Variants in DISC1 observed in about 807,000 individuals in gnomAD.
DISC1 encodes the protein DISC1 scaffold protein, also known as disrupted in schizophrenia 1 protein.
A neutral mutation model predicts 84.5 loss-of-function variants in DISC1; 57 were observed. That is an observed-to-expected ratio of 0.67 (90% confidence interval 0.55 to 0.84). DISC1 has a LOEUF of 0.84. Ranked by LOEUF, DISC1 falls within the 40% of genes least tolerant of loss-of-function variation. The pLI is 0.00. For synonymous variants in DISC1, 411 were observed against 415.2 expected, an observed-to-expected ratio of 0.99 and a Z score of 0.12; for missense variants, 1,000 against 1,057.8, an observed-to-expected ratio of 0.95 and a Z score of 0.76.
chr1:231,799,971 T>A, intron 7 of DISC1, 137 bp from the exon 8 acceptor site: 1 of 505,144 alleles, frequency 2.0e-6, no homozygotes, highest in East Asian at 3.7e-5. Context: ...GCTTGCTTTT[T>A]GAACATTGTC....
chr1:231,990,758 G>T (rs1262951884), intron 10 of DISC1, among the ~76,000 whole-genome samples: 2 of 152,200 alleles, frequency 1.3e-5, no homozygotes, highest in South Asian at 4.1e-4. Flanking sequence ...GAGGCTGCAG[G>T]CCACTAGCTC....
chr1:231,948,585 C>T (rs61399418), intron 9 of DISC1, among the ~76,000 whole-genome samples: 1 of 151,788 alleles, frequency 6.6e-6, no homozygotes, highest in East Asian at 1.9e-4. Context: ...GCACATGTAC[C>T]CTAGAACTTA....
In DISC1 at chr1:231,632,335, C is replaced by T. The variant is rs115558489; in HGVS notation, c.67+5401C>T. On this transcript the variant is annotated intron_variant, in intron 1 of 12. Coordinates refer to ENST00000439617, the MANE Select transcript of DISC1 (RefSeq NM_018662.3). ...CAACTTCAGGTTAATTTTCCAGCCACGTGGCCTTGTGCTTGCTCATCATAA... is the reference window on the plus strand; with the variant it reads ...CAACTTCAGGTTAATTTTCCAGCCATGTGGCCTTGTGCTTGCTCATCATAA... Among the ~76,000 whole-genome samples, 831 of 152,290 alleles carry T rather than the reference C, an allele frequency of 5.5e-3. 5 individuals are homozygous for T. Among genetic ancestry groups the T allele is most frequent in the Non-Finnish European group, 7.5e-3 (511 of 68,030 alleles).
At chr1:231,733,006 C>T (rs553800817) in intron 3 of DISC1, among the ~76,000 whole-genome samples, 3 of 98,708 alleles carry the variant, frequency 3.0e-5, no homozygotes, top group African/African-American at 6.9e-5. Flanking sequence ...GTGGTTGTAG[C>T]AGTGTTGTTG....
At chr1:231,997,588 G>C (rs984139187) in intron 10 of DISC1, among the ~76,000 whole-genome samples, 2 of 152,022 alleles carry the variant, frequency 1.3e-5, no homozygotes, top group South Asian at 2.1e-4. Flanking sequence ...AGTGAGGCTC[G>C]GGGTTTTGAG....
chr1:231,968,379 G>A (rs559497683), intron 10 of DISC1, among the ~76,000 whole-genome samples: 2 of 151,968 alleles, frequency 1.3e-5, no homozygotes, highest in Non-Finnish European at 2.9e-5. Context: ...CATGGGAGGC[G>A]GAGGCAACTC....
chr1:231,736,695 G>T (rs1335948904), intron 3 of DISC1, among the ~76,000 whole-genome samples: 1 of 152,200 alleles, frequency 6.6e-6, no homozygotes, highest in African/African-American at 2.4e-5. Context: ...CACATCTTGT[G>T]TATGGTAATG....
rs76756956 is a variant in DISC1, at chr1:231,810,334, A to C, written c.1793-7995A>C. Among the ~76,000 whole-genome samples the C allele has an allele frequency of 7.1e-3, 1,085 of 152,336 alleles. 11 individuals carry two copies. The highest frequency in any genetic ancestry group is 0.025 in the African/African-American group (1,021 of 41,572). ...GACATATGGCAGAAAAACAAAATTC[A>C]GGGTACAGACAGTGGCTGGGAGCAT... On this transcript the variant is annotated intron_variant, in intron 8 of 12. Coordinates refer to ENST00000439617, the MANE Select transcript of DISC1 (RefSeq NM_018662.3).
intron 11 of DISC1, among the ~76,000 whole-genome samples, chr1:232,022,923 ACAGCCCCACGAAAGAATGC>A (rs975765583): frequency 2.0e-5 from 3 of 152,136 alleles, no homozygotes; most frequent in African/African-American, 7.2e-5. Context: ...CCTTGGAAAA[ACAGCCCCACGAAAGAATGC>A]CAGACAGATC....
At chr1:231,800,545 G>C (rs992233937) in intron 8 of DISC1, among the ~76,000 whole-genome samples, 1 of 152,096 alleles carries the variant, frequency 6.6e-6, no homozygotes, top group African/African-American at 2.4e-5. Flanking sequence ...TTTCTATAGA[G>C]GGAAGGATGG....
At position 231,707,660 on chromosome 1, in the gene DISC1, G is replaced by T. The variant is rs145598482; in HGVS notation, c.1117+5636G>T. On this transcript the variant is annotated intron_variant, in intron 3 of 12. Transcript: ENST00000439617. ...GTAAATTCTCCTGCAAACAAGAAAA[G>T]AAGCTAAGATAGTGCAACCAAGTAA... is the stretch of plus-strand genomic sequence containing the variant. Among the ~76,000 whole-genome samples the T allele has an allele frequency of 5.8e-4, 89 of 152,280 alleles. No homozygotes were observed. In the East Asian group the frequency reaches 0.017, roughly 28 times the overall value.
chr1:231,688,496 C>T (rs2064587879), intron 1 of DISC1, among the ~76,000 whole-genome samples: 1 of 152,212 alleles, frequency 6.6e-6, no homozygotes, highest in Admixed American at 6.5e-5. Flanking sequence ...TGACGGCCCT[C>T]ACTTCTTTTT....
intron 3 of DISC1, among the ~76,000 whole-genome samples, chr1:231,725,179 C>G (rs2070449481): frequency 6.6e-6 from 1 of 152,120 alleles, no homozygotes; most frequent in Admixed American, 6.6e-5. Context: ...TGCTCAAGTC[C>G]CTCTTGATGA....
intron 9 of DISC1, chr1:231,854,654 T>C (rs1262198191): frequency 1.3e-5 from 2 of 156,698 alleles, no homozygotes; most frequent in African/African-American, 4.8e-5. Context: ...TCCTATGTGG[T>C]GTGTAGTGTA....
At chr1:232,006,175 T>C (rs1461616454) in intron 10 of DISC1, among the ~76,000 whole-genome samples, 1 of 152,166 alleles carries the variant, frequency 6.6e-6, no homozygotes, top group African/African-American at 2.4e-5. Flanking sequence ...TGCTATATAT[T>C]TGAGTTCATG....
At chr1:231,652,181 G>C (rs774492140) in intron 1 of DISC1, among the ~76,000 whole-genome samples, 1 of 152,176 alleles carries the variant, frequency 6.6e-6, no homozygotes, top group Non-Finnish European at 1.5e-5. Context: ...ATCATGCTGG[G>C]AGCTGCAGAC....
At position 231,688,488 on chromosome 1, in the gene DISC1, A is replaced by G. The variant is rs73115138; in HGVS notation, c.68-5338A>G. Among the ~76,000 whole-genome samples the G allele has an allele frequency of 1.3e-3, 194 of 152,286 alleles. 1 individual carries two copies. Among genetic ancestry groups the G allele is most frequent in the African/African-American group, 4.4e-3 (184 of 41,560 alleles). On this transcript the variant is annotated intron_variant, in intron 1 of 12. Coordinates refer to ENST00000439617, the MANE Select transcript of DISC1 (RefSeq NM_018662.3). ...GGTAGAAATTAAAGATGTGTTTGTG[A>G]CGGCCCTCACTTCTTTTTCACCAAA...
chr1:231,771,712 G>A (rs947964955), intron 6 of DISC1: 5 of 411,092 alleles, frequency 1.2e-5, no homozygotes, highest in African/African-American at 8.7e-5. Flanking sequence ...TCTGAAGCCC[G>A]GTCTTCTCCA....
chr1:231,709,164 T>A (rs1400489025), intron 3 of DISC1, among the ~76,000 whole-genome samples: 3 of 152,210 alleles, frequency 2.0e-5, no homozygotes, highest in Non-Finnish European at 4.4e-5. Context: ...AAGGTAGAGA[T>A]CATAGCCAAT....
Sources: allele counts gnomAD v4.1 joint callset (sites outside exome capture counted in the v4.1 genomes callset), GRCh38; gene constraint gnomAD v4.1.1; transcripts MANE v1.5; gene names NCBI Gene and HGNC (gene_info 2026-07-23, HGNC 2026-07-21).